Variants in CHAF1B observed in about 807,000 individuals in gnomAD.
CHAF1B encodes the protein CAF-1 subunit B.
In CHAF1B, 10 loss-of-function variants were observed where a neutral mutation model predicts 60.7. That is an observed-to-expected ratio of 0.16 (90% CI 0.10 to 0.28). The LOEUF is 0.28. Among genes scored for constraint, CHAF1B ranks in the 10% least tolerant of loss-of-function variants. CHAF1B has a pLI of 1.00. For missense variants in CHAF1B, 558 were observed against 708.4 expected (o/e 0.79, Z 2.41); for synonymous variants, 261 against 266.1 (o/e 0.98, Z 0.19).
chr21:36,386,939 C>T (rs2086039937), intron 2 of CHAF1B, among the ~76,000 whole-genome samples: 2 of 152,124 alleles, frequency 1.3e-5, no homozygotes, highest in Non-Finnish European at 2.9e-5. Flanking sequence ...GTCTCAAACT[C>T]CTGACCTCAG....
intron 8 of CHAF1B, among the ~76,000 whole-genome samples, chr21:36,404,906 G>T (rs1033682040): frequency 6.7e-6 from 1 of 150,188 alleles, no homozygotes; most frequent in Non-Finnish European, 1.5e-5. Context: ...ACCACAACCA[G>T]ATAATTTTTG....
chr21:36,415,246 G>A, intron 12 of CHAF1B, 49 bp from the exon 13 acceptor site: 2 of 1,108,902 alleles, frequency 1.8e-6, no homozygotes, highest in Non-Finnish European at 2.7e-6. Context: ...AACAATTCCT[G>A]TGATACTAAT....
rs763466523 is a variant in CHAF1B, at chr21:36,404,885, A to G, written c.757+2034A>G. 6.5e-4 allele frequency among the ~76,000 whole-genome samples: 98 copies of G among 151,504 alleles called. No homozygotes were observed. The Middle Eastern group carries it at 0.017, about 26-fold the overall frequency. On this transcript the variant is annotated intron_variant, in intron 8 of 13. Coordinates refer to ENST00000314103, the MANE Select transcript of CHAF1B (RefSeq NM_005441.3). The stretch of plus-strand genomic sequence containing the variant: ...CAGCCTCCTGAGTAGCTGAGATTAC[A>G]GGCGCCTGCCACCACAACCAGATAA...
chr21:36,414,488 C>G (rs2086302648), intron 12 of CHAF1B, among the ~76,000 whole-genome samples: 1 of 152,172 alleles, frequency 6.6e-6, no homozygotes, highest in Non-Finnish European at 1.5e-5. Context: ...ATTCCTTGAA[C>G]TATTTTTGGT....
In CHAF1B at chr21:36,386,258, T is replaced by C; in HGVS notation, c.122T>C (p.Val41Ala). The change falls in exon 2 of 14, where the codon GTC (valine) becomes GCC (alanine). Residue 41 changes from valine to alanine, a missense_variant. By Grantham distance (64) the Val-to-Ala change is moderately conservative (BLOSUM62 0). This residue lies in a region of CHAF1B where 325 missense variants were observed against 493.5 expected (regional missense o/e 0.66). Coordinates refer to ENST00000314103, the MANE Select transcript of CHAF1B (RefSeq NM_005441.3). ...RLASAGVDTN[V>A]RIWKVEKGPD... ...GCGTCTGCCGGCGTGGACACCAATG[T>C]CAGGGTAAACTGGGGCAGAGATAGA... is the stretch of plus-strand genomic sequence containing the variant. The C allele has an allele frequency of 6.2e-7, 1 of 1,614,020 alleles. No homozygotes were observed. The highest frequency in any genetic ancestry group is 8.5e-7 in the Non-Finnish European group (1 of 1,179,952).
Position 36,415,320 on chromosome 21 carries a change from A to G in CHAF1B, c.1519A>G (p.Thr507Ala), listed in dbSNP as rs779416080. The G allele has an allele frequency of 6.2e-7, 1 of 1,612,250 alleles. No individual in the cohort carries two copies. The highest frequency in any genetic ancestry group is 8.5e-7 in the Non-Finnish European group (1 of 1,178,578). ...PRRINLTPLK[T>A]DTPPSSVPTS... ...GAGAATAAACTTAACACCCTTAAAG[A>G]CGGACACTCCACCAAGTTCTGTACC... The change falls in exon 13 of 14, where the codon ACG becomes GCG. Residue 507 changes from threonine (T) to alanine (A), a missense_variant. Transcript: ENST00000314103.
intron 8 of CHAF1B, among the ~76,000 whole-genome samples, chr21:36,403,218 G>A (rs942687678): frequency 6.6e-6 from 1 of 151,992 alleles, no homozygotes; most frequent in African/African-American, 2.4e-5. Context: ...AGCACTTTGG[G>A]AGGCTGAGGC....
chr21:36,411,772 G>A (rs218630), intron 11 of CHAF1B, among the ~76,000 whole-genome samples, 168 bp downstream of exon 11: 103,460 of 151,920 alleles, frequency 0.68, 37,378 homozygotes, highest in Non-Finnish European at 0.8. Context: ...TCTGTCACCC[G>A]GGCTGGAGTG....
Position 36,399,621 on chromosome 21 carries a change from C to T in CHAF1B, c.663+16C>T. On this transcript the variant is annotated intron_variant, in intron 7 of 13. Coordinates refer to ENST00000314103, the MANE Select transcript of CHAF1B (RefSeq NM_005441.3). ...TGAAGGAGAGGTATAAAATATTTTG[C>T]CATTCTTTTTCAGCAGCGCTTTAAC... is the stretch of plus-strand genomic sequence containing the variant. 1 of 1,608,460 alleles carries T rather than the reference C, an allele frequency of 6.2e-7. No individual in the cohort carries two copies. The highest frequency in any genetic ancestry group is 8.5e-7 in the Non-Finnish European group (1 of 1,174,970).
intron 8 of CHAF1B, among the ~76,000 whole-genome samples, chr21:36,403,381 CAGGAGGCAG>C (rs1171350454): frequency 6.9e-6 from 1 of 145,858 alleles, no homozygotes; most frequent in African/African-American, 2.5e-5. Context: ...CGCTTGAACC[CAGGAGGCAG>C]AGGGTGCAGT....
chr21:36,413,354 AAC>A (rs767483714), intron 12 of CHAF1B, 39 bp downstream of exon 12: 12 of 1,513,576 alleles, frequency 7.9e-6, no homozygotes, highest in African/African-American at 2.8e-5. Flanking sequence ...TGCAAAATGA[AAC>A]ACAAAATGCA....
At chr21:36,407,772 G>C (rs1372133593) in intron 8 of CHAF1B, among the ~76,000 whole-genome samples, 1 of 152,092 alleles carries the variant, frequency 6.6e-6, no homozygotes, top group East Asian at 1.9e-4. Flanking sequence ...GAGGTCAGGA[G>C]TTCGAGACCA....
At chr21:36,392,592 A>G (rs2086099688) in intron 4 of CHAF1B, among the ~76,000 whole-genome samples, 1 of 141,294 alleles carries the variant, frequency 7.1e-6, no homozygotes, top group Non-Finnish European at 1.5e-5. Flanking sequence ...CCGGGCAGAG[A>G]TGCTCCTCTC....
intron 12 of CHAF1B, 21 bp from the exon 13 acceptor site, chr21:36,415,274 C>CTTT: frequency 4.9e-6 from 6 of 1,216,810 alleles, no homozygotes; most frequent in Admixed American, 2.0e-5. Flanking sequence ...CACCCCTCTA[C>CTTT]TTTTTTTTTT....
chr21:36,404,898 C>T (rs914923128), intron 8 of CHAF1B, among the ~76,000 whole-genome samples: 58 of 151,736 alleles, frequency 3.8e-4, no homozygotes, highest in Admixed American at 3.0e-3. Context: ...CGCCTGCCAC[C>T]ACAACCAGAT....
chr21:36,410,990 G>T (rs1394021026), intron 10 of CHAF1B, among the ~76,000 whole-genome samples: 3 of 151,762 alleles, frequency 2.0e-5, no homozygotes, highest in Non-Finnish European at 2.9e-5. Context: ...GGTTGGTTTT[G>T]ATTTTTTTCT....
chr21:36,399,830 A>C (rs2086172542), intron 7 of CHAF1B, among the ~76,000 whole-genome samples: 1 of 152,204 alleles, frequency 6.6e-6, no homozygotes, highest in African/African-American at 2.4e-5. Flanking sequence ...GATGGAGGAC[A>C]GGACAGTGGT....
At chr21:36,389,372 G>A (rs1290681888) in intron 3 of CHAF1B, among the ~76,000 whole-genome samples, 4 of 152,098 alleles carry the variant, frequency 2.6e-5, no homozygotes, top group South Asian at 2.1e-4. Context: ...TTGGGAGACC[G>A]AGGCAGGTGG....
At chr21:36,399,900 C>CG (rs908090611) in intron 7 of CHAF1B, among the ~76,000 whole-genome samples, 1 of 152,124 alleles carries the variant, frequency 6.6e-6, no homozygotes, top group African/African-American at 2.4e-5. Context: ...GGGTGCTGGC[C>CG]GGGCGCCGTG....
Sources: allele counts gnomAD v4.1 joint callset (sites outside exome capture counted in the v4.1 genomes callset), GRCh38; gene constraint gnomAD v4.1.1; regional missense constraint gnomAD v4.1.1; transcripts MANE v1.5; gene names NCBI Gene and HGNC (gene_info 2026-07-23, HGNC 2026-07-21).